DOK5: variants seen among roughly 807,000 people sequenced by gnomAD.
The protein encoded by DOK5 is docking protein 5.
A neutral mutation model predicts 43.3 loss-of-function variants in DOK5; 27 were observed. The ratio of observed to expected loss-of-function variants is 0.62; its 90% CI spans 0.46 to 0.86. The LOEUF is 0.86. DOK5 is among the 40% of genes least tolerant of loss of function. DOK5 has a pLI of 0.00. For missense variants in DOK5, 373 were observed against 392.9 expected, an observed-to-expected ratio of 0.95 and a Z score of 0.43; for synonymous variants, 146 against 140.1, an observed-to-expected ratio of 1.04 and a Z score of -0.30.
chr20:54,585,015 C>A (rs1985760333), intron 2 of DOK5, among the ~76,000 whole-genome samples: 1 of 152,048 alleles, frequency 6.6e-6, no homozygotes, highest in South Asian at 2.1e-4. Flanking sequence ...AATATCTCTG[C>A]AAAATTTAGT....
At chr20:54,521,769 C>T (rs1983406129) in intron 1 of DOK5, among the ~76,000 whole-genome samples, 1 of 152,122 alleles carries the variant, frequency 6.6e-6, no homozygotes, top group African/African-American at 2.4e-5. Context: ...TTCCAACTCT[C>T]CAATCACAAC....
At chr20:54,531,630 C>G (rs999145655) in intron 1 of DOK5, among the ~76,000 whole-genome samples, 3 of 152,174 alleles carry the variant, frequency 2.0e-5, no homozygotes, top group Non-Finnish European at 4.4e-5. Context: ...CAATTAGTTT[C>G]TAGGGGAAAG....
intron 4 of DOK5, among the ~76,000 whole-genome samples, chr20:54,591,295 A>G (rs567885111): frequency 1.7e-4 from 26 of 152,158 alleles, no homozygotes; most frequent in Non-Finnish European, 3.1e-4. Context: ...ATTGCTTTTA[A>G]TGGTTGTATT....
chr20:54,647,144 T>C (rs949400618), intron 7 of DOK5, among the ~76,000 whole-genome samples: 2 of 152,166 alleles, frequency 1.3e-5, no homozygotes, highest in African/African-American at 4.8e-5. Flanking sequence ...CCACGTCGTT[T>C]TAAAATTTTC....
intron 1 of DOK5, among the ~76,000 whole-genome samples, chr20:54,499,028 G>A (rs978675336): frequency 2.0e-5 from 3 of 152,092 alleles, no homozygotes; most frequent in East Asian, 1.9e-4. Context: ...AGTTACTACC[G>A]GTGACCCCAA....
intron 2 of DOK5, among the ~76,000 whole-genome samples, chr20:54,566,682 T>C (rs1299831529): frequency 6.6e-6 from 1 of 152,192 alleles, no homozygotes; most frequent in Non-Finnish European, 1.5e-5. Flanking sequence ...AGTGGTATGA[T>C]TAGGGTTCAC....
At chr20:54,614,439 C>G (rs752457522) in intron 6 of DOK5, among the ~76,000 whole-genome samples, 1 of 152,090 alleles carries the variant, frequency 6.6e-6, no homozygotes, top group Non-Finnish European at 1.5e-5. Context: ...TAGTGTTGTG[C>G]GGCTATTCCA....
chr20:54,546,082 T>G (rs1175511280), intron 1 of DOK5, among the ~76,000 whole-genome samples: 1 of 152,196 alleles, frequency 6.6e-6, no homozygotes, highest in African/African-American at 2.4e-5. Flanking sequence ...AAACAAAAGT[T>G]AGAATCCTGG....
intron 5 of DOK5, among the ~76,000 whole-genome samples, chr20:54,606,211 C>G (rs962425805): frequency 5.3e-5 from 8 of 152,168 alleles, no homozygotes; most frequent in African/African-American, 1.7e-4. Context: ...ATCTATATGG[C>G]AGCAATATTA....
intron 5 of DOK5, among the ~76,000 whole-genome samples, chr20:54,603,940 ATTT>A (rs35690531): frequency 4.3e-4 from 33 of 76,276 alleles, no homozygotes; most frequent in African/African-American, 1.8e-3. Flanking sequence ...TTCAAACTGT[ATTT>A]TTTTTTTTTT....
chr20:54,553,620 G>A (rs1301529133), intron 1 of DOK5, among the ~76,000 whole-genome samples: 1 of 150,972 alleles, frequency 6.6e-6, no homozygotes, highest in Non-Finnish European at 1.5e-5. Flanking sequence ...TCATTTGCTG[G>A]GCGCGGTGGC....
chr20:54,581,956 C>A (rs921737264), intron 2 of DOK5, among the ~76,000 whole-genome samples: 6 of 151,728 alleles, frequency 4.0e-5, no homozygotes, highest in African/African-American at 1.5e-4. Context: ...TAGTTGGCAC[C>A]TTTTGACTTG....
At chr20:54,567,197 TTCTGA>T (rs1182477631) in intron 2 of DOK5, among the ~76,000 whole-genome samples, 1 of 152,124 alleles carries the variant, frequency 6.6e-6, no homozygotes, top group Non-Finnish European at 1.5e-5. Context: ...GAGACCCAAT[TTCTGA>T]ATTTTTACCT....
intron 1 of DOK5, among the ~76,000 whole-genome samples, chr20:54,483,556 G>A (rs1981811870): frequency 6.6e-6 from 1 of 152,166 alleles, no homozygotes; most frequent in African/African-American, 2.4e-5. Context: ...GTGAAAAGAT[G>A]CCTGAGGATA....
rs762067549 is a variant in DOK5, at chr20:54,591,665, C to G, written c.459C>G (p.Gly153=). Residue 153 remains glycine, a synonymous_variant, in exon 5 of 8, where the codon GGC becomes GGG. Transcript: ENST00000262593. The part of the protein sequence containing the change: ...LMPSPNLDVH[G]ECALQITYEY... The stretch of plus-strand genomic sequence containing the variant: ...CATCTCCTAACTTAGATGTACATGG[C>G]GAATGTGCCTTGCAGATTACATATG... The G allele has an allele frequency of 1.2e-6, 2 of 1,613,022 alleles. No homozygotes were observed. Among genetic ancestry groups the G allele is most frequent in the African/African-American group, 2.7e-5 (2 of 74,880 alleles).
At chr20:54,488,450 G>A (rs968364597) in intron 1 of DOK5, among the ~76,000 whole-genome samples, 4 of 152,046 alleles carry the variant, frequency 2.6e-5, no homozygotes, top group African/African-American at 7.2e-5. Flanking sequence ...AGAACATCAC[G>A]TAATTTAAAT....
chr20:54,481,172 A>ATCTATCTATCTATCTC (rs1555822412), intron 1 of DOK5, among the ~76,000 whole-genome samples: 136 of 148,962 alleles, frequency 9.1e-4, no homozygotes, highest in African/African-American at 3.2e-3. Context: ...CTATCTATCT[A>ATCTATCTATCTATCTC]TCTATCTATA....
At chr20:54,564,728 C>T (rs961384327) in intron 2 of DOK5, among the ~76,000 whole-genome samples, 6 of 152,172 alleles carry the variant, frequency 3.9e-5, no homozygotes, top group African/African-American at 1.2e-4. Flanking sequence ...GAGTCACAAA[C>T]GTTGGATCAG....
chr20:54,643,489 C>T lies in DOK5; in HGVS notation c.767C>T (p.Ser256Leu), dbSNP rs1380167034. The T allele has an allele frequency of 9.3e-6, 15 of 1,613,560 alleles. No homozygotes were observed. The highest frequency in any genetic ancestry group is 3.3e-5 in the Admixed American group (2 of 60,012). ...ATGAAGATGAGTGAGCGGGCCGCCTCGCTGAGCACCATGGTGCCCCTGCCT... is the reference window on the plus strand; with the variant it reads ...ATGAAGATGAGTGAGCGGGCCGCCTTGCTGAGCACCATGGTGCCCCTGCCT... Reference protein sequence around the residue: ...LQMKMSERAASLSTMVPLPRS... With the variant: ...LQMKMSERAALLSTMVPLPRS... Residue 256 changes from serine to leucine, a missense_variant, in exon 7 of 8, where the codon TCG (serine) becomes TTG (leucine). By Grantham distance (145) the Ser-to-Leu change is moderately radical (BLOSUM62 -2). Coordinates refer to ENST00000262593, the MANE Select transcript of DOK5 (RefSeq NM_018431.5).
Sources: gnomAD v4.1 joint callset for allele counts (sites outside exome capture counted in the v4.1 genomes callset) on GRCh38, gnomAD v4.1.1 for gene constraint, MANE v1.5 for transcripts, NCBI Gene and HGNC (gene_info 2026-07-23, HGNC 2026-07-21) for gene names.